The following CACNA1C variants were observed in gnomAD, a reference collection of about 807,000 sequenced individuals.
CACNA1C encodes the protein voltage-dependent L-type calcium channel subunit alpha-1C.
CACNA1C carries 30 observed loss-of-function variants against 229.0 expected under a neutral mutation model. The observed-to-expected ratio is 0.13, with a 90% CI of 0.10 to 0.18. The LOEUF (loss-of-function observed/expected upper bound fraction) is 0.18. CACNA1C is among the 10% of genes least tolerant of loss of function. The pLI, the probability that CACNA1C is intolerant of heterozygous loss-of-function variation, is 1.00. For missense variants in CACNA1C, 1,658 were observed against 2,845.0 expected (o/e 0.58, Z 9.49); for synonymous variants, 1,114 against 1,132.5 (o/e 0.98, Z 0.33).
At chr12:2,408,085 C>T (rs895691625) in intron 3 of CACNA1C, among the ~76,000 whole-genome samples, 1 of 152,162 alleles carries the variant, frequency 6.6e-6, no homozygotes, top group Non-Finnish European at 1.5e-5. Flanking sequence ...TTCCAACACA[C>T]GCTACAACAT....
intron 3 of CACNA1C, among the ~76,000 whole-genome samples, chr12:2,300,155 A>T (rs2094441943): frequency 6.6e-6 from 1 of 152,228 alleles, no homozygotes; most frequent in South Asian, 2.1e-4. Flanking sequence ...CTCTGGAGAG[A>T]GTTGGAGTAA....
chr12:2,328,710 G>A (rs1346874189), intron 3 of CACNA1C, among the ~76,000 whole-genome samples: 3 of 152,160 alleles, frequency 2.0e-5, no homozygotes, highest in African/African-American at 4.8e-5. Context: ...CCATTTATTC[G>A]CCATCTTGGT....
At chr12:2,525,985 C>T (rs777857999) in intron 9 of CACNA1C, among the ~76,000 whole-genome samples, 50 of 152,122 alleles carry the variant, frequency 3.3e-4, no homozygotes, top group Non-Finnish European at 3.5e-4. Flanking sequence ...AAAGGGTGGT[C>T]TGTTGGGGAG....
intron 3 of CACNA1C, among the ~76,000 whole-genome samples, chr12:2,170,774 A>T (rs940961806): frequency 2.6e-5 from 4 of 152,184 alleles, no homozygotes; most frequent in African/African-American, 9.7e-5. Flanking sequence ...GAAGTTGAGG[A>T]CACGTTACCT....
intron 29 of CACNA1C, among the ~76,000 whole-genome samples, chr12:2,621,671 G>A (rs555135288): frequency 2.6e-5 from 4 of 152,310 alleles, no homozygotes; most frequent in East Asian, 1.9e-4. Context: ...GAGATGGAGC[G>A]AGGGGGGCAG....
chr12:2,618,139 G>A (rs989826822), intron 29 of CACNA1C, among the ~76,000 whole-genome samples: 1 of 152,196 alleles, frequency 6.6e-6, no homozygotes, highest in Non-Finnish European at 1.5e-5. Context: ...CCAGGAGTGA[G>A]CTGCTCCCAG....
chr12:2,219,270 C>T (rs1349609891), intron 3 of CACNA1C, among the ~76,000 whole-genome samples: 1 of 152,198 alleles, frequency 6.6e-6, no homozygotes, highest in Non-Finnish European at 1.5e-5. Context: ...TTACTTTTCA[C>T]ATTGTTCCTA....
chr12:2,556,992 C>G lies in CACNA1C; in HGVS notation c.1508+15C>G. ...TCAAAGTTCAGGTGAGTGAGACTCA[C>G]GCTGCTCTTCCTTCCTTCTGCCACC... On this transcript the variant is annotated intron_variant, in intron 11 of 46. Coordinates refer to ENST00000399655, the MANE Select transcript of CACNA1C (RefSeq NM_000719.7). 1 of 1,609,120 alleles carries G rather than the reference C, an allele frequency of 6.2e-7. No individual in the cohort carries two copies. The highest frequency in any genetic ancestry group is 8.5e-7 in the Non-Finnish European group (1 of 1,175,560).
chr12:2,529,933 T>C (rs1158439222), intron 9 of CACNA1C, among the ~76,000 whole-genome samples: 2 of 152,276 alleles, frequency 1.3e-5, no homozygotes, highest in East Asian at 3.8e-4. Flanking sequence ...GAAAGCTGAA[T>C]ACATTTAAGG....
chr12:2,517,573 G>A (rs1172616043), intron 9 of CACNA1C, among the ~76,000 whole-genome samples: 1 of 152,234 alleles, frequency 6.6e-6, no homozygotes, highest in Non-Finnish European at 1.5e-5. Context: ...CCTAAGTGGG[G>A]CAGCCAAGAG....
At chr12:1,990,774 T>C (rs2039164349) in intron 1 of CACNA1C, among the ~76,000 whole-genome samples, 1 of 152,192 alleles carries the variant, frequency 6.6e-6, no homozygotes, top group Non-Finnish European at 1.5e-5. Context: ...AACCAATCTA[T>C]ATGCCACCAA....
intron 18 of CACNA1C, among the ~76,000 whole-genome samples, chr12:2,591,820 G>T (rs541185806): frequency 6.6e-6 from 1 of 152,080 alleles, no homozygotes; most frequent in African/African-American, 2.4e-5. Context: ...CTTCTGAAAG[G>T]CTCTTGGGAA....
chr12:2,403,367 A>G lies in CACNA1C; in HGVS notation c.478-45609A>G, dbSNP rs1457610447. Among the ~76,000 whole-genome samples the G allele has an allele frequency of 6.6e-6, 1 of 151,988 alleles. No individual in the cohort carries two copies. The highest frequency in any genetic ancestry group is 2.4e-5 in the African/African-American group (1 of 41,384). On this transcript the variant is annotated intron_variant, in intron 3 of 46. Transcript: ENST00000399655. The surrounding 1 kb of genome is among the most constrained non-coding windows in gnomAD (Gnocchi z 4.1). ...TTGTGTCAAGGTGCGCTGCAGAGGG[A>G]TGGCGTTGGAGGCAGGAGTGAGCGC...
intron 10 of CACNA1C, among the ~76,000 whole-genome samples, chr12:2,551,859 A>G (rs1287331965): frequency 6.6e-6 from 1 of 152,114 alleles, no homozygotes; most frequent in Non-Finnish European, 1.5e-5. Flanking sequence ...ATAATGAGGC[A>G]GAAGTGAAAT....
Position 2,067,139 on chromosome 12 carries a change from A to G in CACNA1C, c.49+13528A>G, listed in dbSNP as rs1197659746. 2.0e-5 allele frequency among the ~76,000 whole-genome samples: 3 copies of G among 152,088 alleles called. No homozygotes were observed. Among genetic ancestry groups the G allele is most frequent in the African/African-American group, 7.2e-5 (3 of 41,426 alleles). On this transcript the variant is annotated intron_variant, in intron 1 of 46. Coordinates refer to ENST00000399655, the MANE Select transcript of CACNA1C (RefSeq NM_000719.7). The surrounding 1 kb of genome is among the most constrained non-coding windows in gnomAD (Gnocchi z 5.3). ...AGCTGCTGACTAGGTCTGGGGGCAA[A>G]GGGTTCTAGCTCTGTAGGAGGCGTG...
At chr12:2,120,697 T>TGTGTGTG (rs3085995) in intron 3 of CACNA1C, among the ~76,000 whole-genome samples, 1 of 151,016 alleles carries the variant, frequency 6.6e-6, no homozygotes, top group Non-Finnish European at 1.5e-5. Flanking sequence ...TGTGTGTGTG[T>TGTGTGTG]TTAGTAGCAA....
At chr12:2,370,603 G>T (rs2097842268) in intron 3 of CACNA1C, among the ~76,000 whole-genome samples, 1 of 152,036 alleles carries the variant, frequency 6.6e-6, no homozygotes, top group Admixed American at 6.6e-5. Flanking sequence ...AAGTTTAAAA[G>T]GAAAATAAAT....
intron 7 of CACNA1C, among the ~76,000 whole-genome samples, chr12:2,498,019 T>A: frequency 7.3e-6 from 1 of 137,188 alleles, no homozygotes; most frequent in South Asian, 2.6e-4. Context: ...TATTAATCTC[T>A]TGGTATTGGT....
At chr12:1,997,394 C>G (rs895485914) in intron 1 of CACNA1C, among the ~76,000 whole-genome samples, 41 of 152,332 alleles carry the variant, frequency 2.7e-4, no homozygotes, top group African/African-American at 9.1e-4. Flanking sequence ...GTGGCGCATG[C>G]CTGTAATCCC....
Sources: allele counts gnomAD v4.1 joint callset (sites outside exome capture counted in the v4.1 genomes callset), GRCh38; gene constraint gnomAD v4.1.1; non-coding constraint Gnocchi (gnomAD v3.1); transcripts MANE v1.5; gene names NCBI Gene and HGNC (gene_info 2026-07-23, HGNC 2026-07-21).